TFCP2L1: variants seen among roughly 807,000 people sequenced by gnomAD.
The protein encoded by TFCP2L1 is transcription factor CP2 like 1, also known as transcription factor CP2-like protein 1.
In TFCP2L1, 12 loss-of-function variants were observed where a neutral mutation model predicts 72.2. The observed-to-expected ratio is 0.17, with a 90% confidence interval of 0.11 to 0.27. TFCP2L1 has a LOEUF of 0.27. TFCP2L1 is among the 10% of genes least tolerant of loss of function. The pLI is 1.00. For synonymous variants in TFCP2L1, 260 were observed against 251.0 expected (o/e 1.04, Z -0.34); for missense variants, 488 against 624.6 (o/e 0.78, Z 2.33).
Position 121,260,610 on chromosome 2 carries a change from G to A in TFCP2L1, c.215-10963C>T, listed in dbSNP as rs577814935. Among the ~76,000 whole-genome samples, 8 of 152,296 alleles carry A rather than the reference G, an allele frequency of 5.3e-5. No homozygotes were observed. In the South Asian group the frequency reaches 1.7e-3, roughly 32 times the overall value. ...CTAACTGCCAAGGTCACAGAGCCAG[G>A]AGAAAGCCCAGCTGGGATACACCCC... is the stretch of plus-strand genomic sequence containing the variant. On this transcript the variant is annotated intron_variant, in intron 2 of 14. Coordinates refer to ENST00000263707, the MANE Select transcript of TFCP2L1 (RefSeq NM_014553.3).
rs1687329042 is a variant in TFCP2L1 at position 121,284,647 on chromosome 2, A to T, written c.62+401T>A. Among the ~76,000 whole-genome samples the T allele has an allele frequency of 2.6e-5, 4 of 152,184 alleles. No homozygotes were observed. The South Asian group carries it at 8.3e-4, about 31-fold the overall frequency. Reference sequence around the variant, plus strand: ...GGAGACGGGCAAAGAGCAGGGGACGAACTTCCCCGGGCCGGGCACCAGGCT... The same window carrying T: ...GGAGACGGGCAAAGAGCAGGGGACGTACTTCCCCGGGCCGGGCACCAGGCT... On this transcript the variant is annotated intron_variant, in intron 1 of 14. Transcript: ENST00000263707.
At chr2:121,263,516 G>A (rs1686866890) in intron 2 of TFCP2L1, among the ~76,000 whole-genome samples, 1 of 146,398 alleles carries the variant, frequency 6.8e-6, no homozygotes, top group African/African-American at 2.5e-5. Flanking sequence ...ACATGAAGAT[G>A]CTTAATTTCA....
At chr2:121,269,834 G>A (rs1307063256) in intron 2 of TFCP2L1, among the ~76,000 whole-genome samples, 1 of 148,506 alleles carries the variant, frequency 6.7e-6, no homozygotes, top group Admixed American at 6.8e-5. Context: ...ACTTGAACCT[G>A]GGAGACAGAG....
chr2:121,266,224 G>A (rs977222427), intron 2 of TFCP2L1, among the ~76,000 whole-genome samples: 1 of 151,366 alleles, frequency 6.6e-6, no homozygotes, highest in Admixed American at 6.6e-5. Flanking sequence ...ACCCGACTCA[G>A]GATCCCATTT....
rs910610012 is a variant in TFCP2L1 at position 121,239,420 on chromosome 2, G to C, written c.860+138C>G. On this transcript the variant is annotated intron_variant, in intron 8 of 14. Transcript: ENST00000263707. ...CACTAAAAGTTGTGTAAATGCTGAA[G>C]ACAGTTGTGACTGCAACACGAGTTA... The C allele has an allele frequency of 1.3e-5, 12 of 905,140 alleles. No individual in the cohort carries two copies. The African/African-American group carries it at 1.7e-4, about 12-fold the overall frequency. 56.1% of individuals were successfully genotyped at this position (905,140 alleles called of 1,614,324 possible).
Position 121,246,095 on chromosome 2 carries a change from C to T in TFCP2L1, c.657+723G>A, listed in dbSNP as rs766319045. On this transcript the variant is annotated intron_variant, in intron 6 of 14. Transcript: ENST00000263707. ...GCTAGAGCGGCCCCGGCAGACAGGG[C>T]CTACAGGGGCTGGGGACTGTGGGGC... Among the ~76,000 whole-genome samples, 135 of 152,330 alleles carry T rather than the reference C, an allele frequency of 8.9e-4. 1 individual carries two copies. The highest frequency in any genetic ancestry group is 3.4e-3 in the Middle Eastern group (1 of 294).
rs1043115233 is a variant in TFCP2L1, at chr2:121,221,402, A to G, written c.*2939T>C. ...GGTGGAACCAAACACAGACTAAGTA[A>G]AAAAAAAAAAAAGGTAAGCTTCCCA... On this transcript the variant is annotated 3_prime_UTR_variant, in exon 15 of 15. Coordinates refer to ENST00000263707, the MANE Select transcript of TFCP2L1 (RefSeq NM_014553.3). The G allele has an allele frequency of 1.6e-4, 2 of 12,134 alleles. No individual in the cohort carries two copies. Among genetic ancestry groups the G allele is most frequent in the African/African-American group, 2.8e-4 (2 of 7,250 alleles). 0.8% of individuals were successfully genotyped at this position (12,134 alleles called of 1,614,324 possible).
intron 13 of TFCP2L1, among the ~76,000 whole-genome samples, chr2:121,229,410 T>G (rs1476996189): frequency 6.8e-6 from 1 of 146,430 alleles, no homozygotes. Context: ...TACAAATTAC[T>G]TTTTTAATGT....
At chr2:121,246,674 G>C in intron 6 of TFCP2L1, 144 bp downstream of exon 6, 1 of 1,065,704 alleles carries the variant, frequency 9.4e-7, no homozygotes, top group Non-Finnish European at 1.3e-6. Context: ...GTGTGCATTA[G>C]AAGCCCAGGT....
At chr2:121,284,638 C>T (rs558695409) in intron 1 of TFCP2L1, among the ~76,000 whole-genome samples, 1 of 152,338 alleles carries the variant, frequency 6.6e-6, no homozygotes, top group Admixed American at 6.5e-5. Context: ...GGGCAAAGAG[C>T]AGGGGACGAA....
intron 2 of TFCP2L1, among the ~76,000 whole-genome samples, chr2:121,267,806 T>C (rs1686964048): frequency 6.6e-6 from 1 of 152,190 alleles, no homozygotes; most frequent in African/African-American, 2.4e-5. Flanking sequence ...CTAAAAATCA[T>C]GTCTATGTGC....
intron 2 of TFCP2L1, among the ~76,000 whole-genome samples, chr2:121,253,567 G>A (rs905318564): frequency 2.0e-5 from 3 of 152,190 alleles, no homozygotes; most frequent in Non-Finnish European, 2.9e-5. Flanking sequence ...GTCATTAAGT[G>A]AGTTTACGGG....
Position 121,217,390 on chromosome 2 carries a change from CAAGCCACAGGGGGCTGGAT to C in TFCP2L1, c.*6932_*6950del, listed in dbSNP as rs1228600574. 6.6e-6 allele frequency: 1 copy of C among 152,300 alleles called. No homozygotes were observed. 9.4% of individuals were successfully genotyped at this position (152,300 alleles called of 1,614,324 possible). On this transcript the variant is annotated 3_prime_UTR_variant, in exon 15 of 15. Transcript: ENST00000263707. The stretch of plus-strand genomic sequence containing the variant: ...ACACCAGGGGTGCACAGAGGCTGGA[CAAGCCACAGGGGGCTGGAT>C]GGCCACAGCCGGACCTCGGACCCAT...
At chr2:121,243,908 C>T (rs917445531) in intron 6 of TFCP2L1, among the ~76,000 whole-genome samples, 4 of 152,158 alleles carry the variant, frequency 2.6e-5, no homozygotes, top group African/African-American at 4.8e-5. Flanking sequence ...CCCTCTCTTC[C>T]GTGGAAAAAC....
chr2:121,236,995 C>T (rs1169927861), intron 10 of TFCP2L1, among the ~76,000 whole-genome samples: 3 of 152,228 alleles, frequency 2.0e-5, no homozygotes, highest in East Asian at 3.8e-4. Context: ...GATGTGCGGG[C>T]GTCGTTTCTC....
In TFCP2L1 at chr2:121,224,088, T is replaced by C. The variant is rs1475703953; in HGVS notation, c.*253A>G. ...TTTTAGAACGTCAGGGTTGGACCAA[T>C]AGAAAAGAACAAGGAACCATTCAAA... is the stretch of plus-strand genomic sequence containing the variant. On this transcript the variant is annotated 3_prime_UTR_variant, in exon 15 of 15. Transcript: ENST00000263707. 11 of 562,636 alleles carry C rather than the reference T, an allele frequency of 2.0e-5. No homozygotes were observed. The highest frequency in any genetic ancestry group is 2.2e-5 in the Non-Finnish European group (7 of 315,204). The allele number at this position is 562,636 out of a possible 1,614,324, so 34.9% of individuals were successfully genotyped here. A position where few individuals can be genotyped will look rare whatever the true frequency, so the allele number is the denominator to read the frequency against.
At chr2:121,228,453 A>T (rs549665401) in intron 13 of TFCP2L1, among the ~76,000 whole-genome samples, 1 of 115,094 alleles carries the variant, frequency 8.7e-6, no homozygotes, top group South Asian at 3.2e-4. Flanking sequence ...GTAAAATAGG[A>T]GTTAAAAAAA....
intron 7 of TFCP2L1, among the ~76,000 whole-genome samples, chr2:121,241,414 T>A (rs980758966): frequency 1.3e-5 from 2 of 152,164 alleles, no homozygotes; most frequent in East Asian, 3.9e-4. Context: ...GGAGAATCCC[T>A]TGAACCCAGG....
At chr2:121,248,306 G>T in intron 4 of TFCP2L1, 36 bp from the exon 5 acceptor site, 1 of 1,534,598 alleles carries the variant, frequency 6.5e-7, no homozygotes, top group Non-Finnish European at 8.9e-7. Context: ...AAGTGCAATT[G>T]TCAGCCTCTC....
Sources: allele counts gnomAD v4.1 joint callset (sites outside exome capture counted in the v4.1 genomes callset), GRCh38; gene constraint gnomAD v4.1.1; transcripts MANE v1.5; gene names NCBI Gene and HGNC (gene_info 2026-07-23, HGNC 2026-07-21).